PIBF1: variants seen among roughly 807,000 people sequenced by gnomAD.
PIBF1 encodes progesterone immunomodulatory binding factor 1.
In PIBF1, 90 loss-of-function variants were observed where a neutral mutation model predicts 112.5. The ratio of observed to expected loss-of-function variants is 0.80; its 90% CI spans 0.67 to 0.95. PIBF1 has a LOEUF of 0.95. Ranked by LOEUF, PIBF1 falls within the 40% of genes least tolerant of loss-of-function variation. The pLI is 0.00. For missense variants in PIBF1, 915 were observed against 852.3 expected, an observed-to-expected ratio of 1.07 and a Z score of -0.92; for synonymous variants, 301 against 288.6, an observed-to-expected ratio of 1.04 and a Z score of -0.44.
At chr13:72,842,830 C>T (rs2037673516) in intron 9 of PIBF1, among the ~76,000 whole-genome samples, 1 of 152,144 alleles carries the variant, frequency 6.6e-6, no homozygotes, top group African/African-American at 2.4e-5. Flanking sequence ...GCAGATAACT[C>T]TCTCAGCATC....
Position 72,998,869 on chromosome 13 carries a change from T to C in PIBF1, c.2097T>C (p.His699=). The C allele has an allele frequency of 6.2e-7, 1 of 1,612,336 alleles. No individual in the cohort carries two copies. Among genetic ancestry groups the C allele is most frequent in the Middle Eastern group, 1.7e-4 (1 of 6,044 alleles). ...TTCTCGTTAAGATGCATAGTAAACATTCTGAGAACAGCTTACTTCTCACTA... is the reference window on the plus strand; with the variant it reads ...TTCTCGTTAAGATGCATAGTAAACACTCTGAGAACAGCTTACTTCTCACTA... ...KQILVKMHSK[H]SENSLLLTKT... Residue 699 remains histidine, a synonymous_variant, in exon 17 of 18, where the codon CAT becomes CAC. Coordinates refer to ENST00000326291, the MANE Select transcript of PIBF1 (RefSeq NM_006346.4).
In PIBF1 at chr13:72,784,573, A is replaced by G. The variant is rs890901916; in HGVS notation, c.252+852A>G. Among the ~76,000 whole-genome samples, 6 of 152,190 alleles carry G rather than the reference A, an allele frequency of 3.9e-5. No homozygotes were observed. In the East Asian group the frequency reaches 1.2e-3, roughly 30 times the overall value. On this transcript the variant is annotated intron_variant, in intron 2 of 17. Coordinates refer to ENST00000326291, the MANE Select transcript of PIBF1 (RefSeq NM_006346.4). Reference sequence around the variant, plus strand: ...CAGGAGTTCGAGACTACCCTGAGCAACATGGTGAGACCACCCTTGCTACTA... The same window carrying G: ...CAGGAGTTCGAGACTACCCTGAGCAGCATGGTGAGACCACCCTTGCTACTA...
chr13:72,961,823 AAAAT>A (rs982008573), intron 14 of PIBF1, among the ~76,000 whole-genome samples: 1 of 152,168 alleles, frequency 6.6e-6, no homozygotes, highest in Non-Finnish European at 1.5e-5. Flanking sequence ...CTTAGGAAAA[AAAAT>A]AAAGAACAAA....
rs573282664 is a variant in PIBF1 at position 73,014,489 on chromosome 13, A to G, written c.2224-1380A>G. 5.3e-5 allele frequency among the ~76,000 whole-genome samples: 8 copies of G among 152,326 alleles called. No individual in the cohort carries two copies. The South Asian group carries it at 1.7e-3, about 32-fold the overall frequency. The stretch of plus-strand genomic sequence containing the variant: ...TATTATTATGATACTATAATGGTGG[A>G]TGCCTGTCTATAGACATTTGTCCAA... On this transcript the variant is annotated intron_variant, in intron 17 of 17. Coordinates refer to ENST00000326291, the MANE Select transcript of PIBF1 (RefSeq NM_006346.4).
At chr13:72,850,974 CTA>C (rs1239016458) in intron 9 of PIBF1, among the ~76,000 whole-genome samples, 2 of 152,180 alleles carry the variant, frequency 1.3e-5, no homozygotes, top group African/African-American at 4.8e-5. Context: ...TCTGAAGAAA[CTA>C]TTTTATTTCT....
At chr13:72,939,787 G>T (rs895080243) in intron 14 of PIBF1, among the ~76,000 whole-genome samples, 5 of 152,082 alleles carry the variant, frequency 3.3e-5, no homozygotes, top group African/African-American at 1.2e-4. Context: ...TTTTTAGAAA[G>T]ATATTTTCCC....
intron 10 of PIBF1, among the ~76,000 whole-genome samples, chr13:72,883,283 T>TA (rs1257927843): frequency 6.6e-6 from 1 of 152,084 alleles, no homozygotes; most frequent in Non-Finnish European, 1.5e-5. Context: ...AGCTAAAAAT[T>TA]AAAACAGCTG....
At chr13:72,903,014 G>A (rs939917113) in intron 11 of PIBF1, among the ~76,000 whole-genome samples, 6 of 151,504 alleles carry the variant, frequency 4.0e-5, no homozygotes, top group African/African-American at 4.9e-5. Flanking sequence ...TCCCACCTCA[G>A]CCTCCCGAGT....
chr13:72,821,730 T>A, intron 5 of PIBF1, 119 bp from the exon 6 acceptor site: 1 of 652,690 alleles, frequency 1.5e-6, no homozygotes, highest in Non-Finnish European at 2.3e-6. Context: ...AATTGAGGAA[T>A]TTTTTTTACT....
intron 11 of PIBF1, among the ~76,000 whole-genome samples, chr13:72,904,710 G>A (rs2040630708): frequency 6.6e-6 from 1 of 151,096 alleles, no homozygotes; most frequent in Non-Finnish European, 1.5e-5. Flanking sequence ...CAAAGTGCTG[G>A]GATTACAAGT....
intron 5 of PIBF1, among the ~76,000 whole-genome samples, chr13:72,802,162 T>G (rs1041795193): frequency 6.6e-6 from 1 of 152,182 alleles, no homozygotes; most frequent in African/African-American, 2.4e-5. Flanking sequence ...CACATGGATT[T>G]TTTTTTTGAC....
At chr13:72,828,002 AT>A (rs547485417) in intron 8 of PIBF1, 88 bp downstream of exon 8, 4 of 836,770 alleles carry the variant, frequency 4.8e-6, no homozygotes, top group Non-Finnish European at 6.9e-6. Flanking sequence ...AGATTTAGTG[AT>A]TTTTTTAAGG....
intron 14 of PIBF1, among the ~76,000 whole-genome samples, chr13:72,959,950 AATT>A (rs1477119333): frequency 6.6e-6 from 1 of 152,210 alleles, no homozygotes; most frequent in Non-Finnish European, 1.5e-5. Context: ...TTTGAATAGT[AATT>A]ATTATAGGTA....
chr13:72,842,579 C>A (rs761412008), intron 9 of PIBF1, among the ~76,000 whole-genome samples: 1 of 152,108 alleles, frequency 6.6e-6, no homozygotes, highest in Non-Finnish European at 1.5e-5. Flanking sequence ...AATCTTGAAT[C>A]TATTTACAAA....
rs1293736984 is a variant in PIBF1 at position 72,807,423 on chromosome 13, AAATT to A, written c.672+9399_672+9402del. On this transcript the variant is annotated intron_variant, in intron 5 of 17. Coordinates refer to ENST00000326291, the MANE Select transcript of PIBF1 (RefSeq NM_006346.4). ...AACTCCGTCTCTATTAAAAATACAT[AAATT>A]AGTCAGGTGTGGTGGCAAACACATG... Among the ~76,000 whole-genome samples the A allele has an allele frequency of 2.6e-5, 4 of 152,240 alleles. No homozygotes were observed. In the East Asian group the frequency reaches 7.8e-4, roughly 30 times the overall value.
At chr13:72,824,149 G>C (rs1246831285) in intron 6 of PIBF1, among the ~76,000 whole-genome samples, 2 of 151,468 alleles carry the variant, frequency 1.3e-5, no homozygotes, top group Non-Finnish European at 2.9e-5. Flanking sequence ...AAGTAGCTGG[G>C]ACTACAGGTG....
intron 10 of PIBF1, among the ~76,000 whole-genome samples, chr13:72,883,864 C>T (rs1419254952): frequency 2.6e-5 from 4 of 152,104 alleles, no homozygotes; most frequent in Admixed American, 6.6e-5. Flanking sequence ...GAGGCTGGGG[C>T]GGGAGGATCA....
chr13:72,883,052 C>G (rs2039706275), intron 10 of PIBF1, among the ~76,000 whole-genome samples: 5 of 152,180 alleles, frequency 3.3e-5, no homozygotes, highest in Admixed American at 2.6e-4. Flanking sequence ...TATTGCAGCA[C>G]TGTTTACAGT....
intron 10 of PIBF1, among the ~76,000 whole-genome samples, chr13:72,879,252 A>T (rs955363734): frequency 6.6e-6 from 1 of 151,956 alleles, no homozygotes; most frequent in Non-Finnish European, 1.5e-5. Context: ...ATTTTCTGGG[A>T]GGAAGAACTT....
Sources: allele counts gnomAD v4.1 joint callset (sites outside exome capture counted in the v4.1 genomes callset), GRCh38; gene constraint gnomAD v4.1.1; transcripts MANE v1.5; gene names NCBI Gene and HGNC (gene_info 2026-07-23, HGNC 2026-07-21).